Variants in IGSF21 observed in about 807,000 individuals in gnomAD.
IGSF21 encodes immunoglobin superfamily member 21.
IGSF21 carries 28 observed loss-of-function variants against 46.8 expected under a neutral mutation model. The ratio of observed to expected loss-of-function variants is 0.60; its 90% CI spans 0.44 to 0.82. The LOEUF (loss-of-function observed/expected upper bound fraction) is 0.82, where lower values mean the gene tolerates loss of function less well. Ranked by LOEUF, IGSF21 falls within the 40% of genes least tolerant of loss-of-function variation. The pLI is 0.00. For synonymous variants in IGSF21, 284 were observed against 273.6 expected (o/e 1.04, Z -0.38); for missense variants, 624 against 665.5 (o/e 0.94, Z 0.69).
chr1:18,278,796 T>C (rs2085130070), intron 2 of IGSF21: 2 of 469,888 alleles, frequency 4.3e-6, no homozygotes, highest in South Asian at 3.1e-5. Flanking sequence ...GCTCAAGCAA[T>C]CTGCCTGCCT....
chr1:18,281,999 C>T (rs1013596468), intron 2 of IGSF21, among the ~76,000 whole-genome samples: 14 of 152,140 alleles, frequency 9.2e-5, no homozygotes, highest in African/African-American at 3.4e-4. Context: ...TGACCCTGGG[C>T]ATGCCCCTCC....
At chr1:18,351,002 C>T (rs1239198429) in intron 4 of IGSF21, among the ~76,000 whole-genome samples, 1 of 152,086 alleles carries the variant, frequency 6.6e-6, no homozygotes, top group Non-Finnish European at 1.5e-5. Context: ...GTGAGGACTT[C>T]TTACCACTGC....
At chr1:18,147,518 T>C (rs924005357) in intron 1 of IGSF21, among the ~76,000 whole-genome samples, 15 of 152,030 alleles carry the variant, frequency 9.9e-5, no homozygotes, top group African/African-American at 2.4e-4. Context: ...CACCACCCCA[T>C]TGAAATGTCA....
intron 1 of IGSF21, among the ~76,000 whole-genome samples, chr1:18,200,732 G>C (rs966094530): frequency 1.8e-4 from 28 of 152,144 alleles, no homozygotes; most frequent in African/African-American, 6.8e-4. Flanking sequence ...GTATCTTTTA[G>C]AGGGATATAG....
chr1:18,195,611 C>G (rs2086999139), intron 1 of IGSF21, among the ~76,000 whole-genome samples: 1 of 152,168 alleles, frequency 6.6e-6, no homozygotes, highest in South Asian at 2.1e-4. Flanking sequence ...GGAATGAATT[C>G]CATTCTCTTT....
chr1:18,298,927 G>A (rs748409820), intron 3 of IGSF21, among the ~76,000 whole-genome samples: 1 of 152,112 alleles, frequency 6.6e-6, no homozygotes, highest in Non-Finnish European at 1.5e-5. Context: ...ATTTAGAAAG[G>A]AACAATAAAT....
chr1:18,201,376 T>A (rs1446995950), intron 1 of IGSF21, among the ~76,000 whole-genome samples: 1 of 152,212 alleles, frequency 6.6e-6, no homozygotes. Flanking sequence ...AGGAGCAGAA[T>A]CGTGGCTCCA....
intron 1 of IGSF21, chr1:18,110,278 C>T: frequency 6.6e-6 from 1 of 152,318 alleles, no homozygotes; most frequent in East Asian, 1.9e-4. Flanking sequence ...GCCCTCTCTT[C>T]TCCGCAGAGG....
chr1:18,201,302 G>A (rs1486124778), intron 1 of IGSF21, among the ~76,000 whole-genome samples: 5 of 152,208 alleles, frequency 3.3e-5, no homozygotes, highest in African/African-American at 1.2e-4. Flanking sequence ...GCCAGGCTAA[G>A]AAGTGCAGAC....
chr1:18,239,250 G>GA (rs139075870), intron 2 of IGSF21, among the ~76,000 whole-genome samples: 5,146 of 151,174 alleles, frequency 0.034, 237 homozygotes, highest in East Asian at 0.12. Flanking sequence ...GCACACCAGT[G>GA]AAAAGAAAAG....
intron 1 of IGSF21, among the ~76,000 whole-genome samples, chr1:18,157,403 C>T (rs1481263466): frequency 6.6e-6 from 1 of 152,216 alleles, no homozygotes; most frequent in Non-Finnish European, 1.5e-5. Context: ...TACTGCTCCC[C>T]GCCAATCCCC....
intron 1 of IGSF21, among the ~76,000 whole-genome samples, chr1:18,127,066 A>C (rs1020223069): frequency 3.9e-5 from 6 of 152,118 alleles, no homozygotes; most frequent in Non-Finnish European, 8.8e-5. Flanking sequence ...TGTTCCATCT[A>C]CCAGTGACCA....
intron 1 of IGSF21, among the ~76,000 whole-genome samples, chr1:18,137,211 C>A (rs2086374761): frequency 6.6e-6 from 1 of 152,074 alleles, no homozygotes; most frequent in Non-Finnish European, 1.5e-5. Flanking sequence ...GGAGGTGGTG[C>A]ACACTTTTCA....
At chr1:18,122,917 G>A (rs1027912418) in intron 1 of IGSF21, among the ~76,000 whole-genome samples, 36 of 151,638 alleles carry the variant, frequency 2.4e-4, no homozygotes, top group Admixed American at 7.2e-4. Context: ...ATGAGCCACC[G>A]CACCCAGCCA....
At chr1:18,117,790 A>G (rs1242419730) in intron 1 of IGSF21, among the ~76,000 whole-genome samples, 1 of 152,232 alleles carries the variant, frequency 6.6e-6, no homozygotes, top group Non-Finnish European at 1.5e-5. Flanking sequence ...GTTTGGAATT[A>G]CAGAGCATCT....
intron 4 of IGSF21, among the ~76,000 whole-genome samples, chr1:18,350,325 C>T (rs892029413): frequency 6.6e-6 from 1 of 152,150 alleles, no homozygotes. Flanking sequence ...AACAAAAGTG[C>T]ATTCGAGGTC....
At chr1:18,192,374 T>C (rs1037415387) in intron 1 of IGSF21, among the ~76,000 whole-genome samples, 3 of 152,272 alleles carry the variant, frequency 2.0e-5, no homozygotes, top group African/African-American at 7.2e-5. Flanking sequence ...TGCCTCAGTT[T>C]TCTCATCTGC....
chr1:18,363,772 G>C (rs2086129431), intron 5 of IGSF21, among the ~76,000 whole-genome samples: 1 of 151,104 alleles, frequency 6.6e-6, no homozygotes, highest in South Asian at 2.1e-4. Flanking sequence ...TAGAGGTGCA[G>C]AGGCACAGGT....
chr1:18,180,178 G>A (rs1266615440), intron 1 of IGSF21, among the ~76,000 whole-genome samples: 1 of 152,136 alleles, frequency 6.6e-6, no homozygotes, highest in Non-Finnish European at 1.5e-5. Flanking sequence ...GGAAACATAG[G>A]GTATAATAGA....
Sources: gnomAD v4.1 joint callset for allele counts (sites outside exome capture counted in the v4.1 genomes callset) on GRCh38, gnomAD v4.1.1 for gene constraint, MANE v1.5 for transcripts, NCBI Gene and HGNC (gene_info 2026-07-23, HGNC 2026-07-21) for gene names.